ICE2: variants seen among roughly 807,000 people sequenced by gnomAD.
The protein encoded by ICE2 is interactor of little elongation complex ELL subunit 2, also known as little elongation complex subunit 2.
A neutral mutation model predicts 105.4 loss-of-function variants in ICE2; 87 were observed. The ratio of observed to expected loss-of-function variants is 0.83; its 90% CI spans 0.69 to 0.99. The LOEUF is 0.99. Among genes scored for constraint, ICE2 ranks in the 50% least tolerant of loss-of-function variants. The pLI, the probability that ICE2 is intolerant of heterozygous loss-of-function variation, is 0.00. For synonymous variants in ICE2, 399 were observed against 392.0 expected (o/e 1.02, Z -0.21); for missense variants, 1,323 against 1,146.7 (o/e 1.15, Z -2.22).
chr15:60,433,714 C>T (rs1258614563), intron 13 of ICE2, among the ~76,000 whole-genome samples: 1 of 151,888 alleles, frequency 6.6e-6, no homozygotes, highest in Non-Finnish European at 1.5e-5. Context: ...TGGTCTCGAA[C>T]TCCTGACCTC....
At chr15:60,435,995 G>C in intron 13 of ICE2, 148 bp downstream of exon 13, 1 of 425,400 alleles carries the variant, frequency 2.4e-6, no homozygotes, top group Non-Finnish European at 4.3e-6. Context: ...CAAAAAAAAA[G>C]ACAAAACAAA....
At chr15:60,473,375 T>G (rs1349231856) in intron 3 of ICE2, among the ~76,000 whole-genome samples, 1 of 152,084 alleles carries the variant, frequency 6.6e-6, no homozygotes, top group East Asian at 1.9e-4. Flanking sequence ...CACTGCAGCC[T>G]CAACCTCCCT....
At chr15:60,475,819 G>A (rs1025873104) in intron 3 of ICE2, among the ~76,000 whole-genome samples, 1 of 151,792 alleles carries the variant, frequency 6.6e-6, no homozygotes, top group Non-Finnish European at 1.5e-5. Context: ...TACTATATTG[G>A]TACAGTATTA....
chr15:60,474,250 T>C (rs1351835533), intron 3 of ICE2, among the ~76,000 whole-genome samples: 1 of 152,068 alleles, frequency 6.6e-6, no homozygotes, highest in African/African-American at 2.4e-5. Flanking sequence ...AACTTACACA[T>C]TCATTTGATG....
intron 11 of ICE2, among the ~76,000 whole-genome samples, chr15:60,445,281 T>TA (rs1210684651): frequency 6.6e-6 from 1 of 152,184 alleles, no homozygotes; most frequent in Non-Finnish European, 1.5e-5. Flanking sequence ...TAGTACCACT[T>TA]ACAACATTTT....
At chr15:60,457,616 C>A (rs529319781) in intron 5 of ICE2, among the ~76,000 whole-genome samples, 2 of 152,140 alleles carry the variant, frequency 1.3e-5, no homozygotes, top group African/African-American at 4.8e-5. Flanking sequence ...AAATGTGTCA[C>A]GTTACAAATC....
intron 6 of ICE2, 117 bp downstream of exon 6, chr15:60,456,540 C>CAAAAAAAAAAAA (rs1425301397): frequency 3.6e-4 from 13 of 36,030 alleles, no homozygotes; most frequent in Non-Finnish European, 5.9e-4. Flanking sequence ...ACTCTGTCTC[C>CAAAAAAAAAAAA]AAAAAAAAAA....
rs142882793 is a variant in ICE2, at chr15:60,474,941, C to T, written c.146+1122G>A. ...TTCAAGATCAACCGGGGCAACACAGCAAGACCATGTCTCTTCAAAAACAAA... is the reference window on the plus strand; with the variant it reads ...TTCAAGATCAACCGGGGCAACACAGTAAGACCATGTCTCTTCAAAAACAAA... On this transcript the variant is annotated intron_variant, in intron 3 of 15. Coordinates refer to ENST00000261520, the MANE Select transcript of ICE2 (RefSeq NM_024611.6). Among the ~76,000 whole-genome samples the T allele has an allele frequency of 2.0e-3, 298 of 152,132 alleles. 3 individuals are homozygous for T. The highest frequency in any genetic ancestry group is 6.7e-3 in the African/African-American group (277 of 41,482).
intron 11 of ICE2, among the ~76,000 whole-genome samples, chr15:60,444,582 T>C (rs1212772604): frequency 1.3e-5 from 2 of 152,220 alleles, no homozygotes; most frequent in African/African-American, 2.4e-5. Flanking sequence ...CAGACAGTAA[T>C]AGATATTATG....
At chr15:60,445,163 C>G (rs991666495) in intron 11 of ICE2, among the ~76,000 whole-genome samples, 46 of 152,200 alleles carry the variant, frequency 3.0e-4, no homozygotes, top group African/African-American at 1.1e-3. Flanking sequence ...GGTTCTTGGA[C>G]AGCAGAGGTT....
intron 3 of ICE2, among the ~76,000 whole-genome samples, chr15:60,468,992 G>C (rs1013271484): frequency 2.0e-5 from 3 of 152,220 alleles, no homozygotes; most frequent in Middle Eastern, 3.2e-3. Context: ...TACCAGAAGA[G>C]AAAGTAGTGA....
In ICE2 at chr15:60,449,803, A is replaced by C. The variant is rs1566987732; in HGVS notation, c.1164T>G (p.Ser388Arg). ...CEVNECRKIE[S>R]LENLYLDFDD... The stretch of plus-strand genomic sequence containing the variant: ...CAAAATCCAAATACAAGTTTTCAAG[A>C]CTCTCAATTTTTCGGCACTCGTTGA... Residue 388 changes from serine (S) to arginine (R), a missense_variant, in exon 10 of 16, where the codon AGT (serine) becomes AGG (arginine). Ser to Arg is a moderately radical substitution (Grantham distance 110, BLOSUM62 -1). Transcript: ENST00000261520. The C allele has an allele frequency of 1.2e-6, 2 of 1,613,474 alleles. No individual in the cohort carries two copies. The highest frequency in any genetic ancestry group is 1.7e-6 in the Non-Finnish European group (2 of 1,179,812).
At chr15:60,432,526 A>G (rs2063485126) in intron 13 of ICE2, among the ~76,000 whole-genome samples, 1 of 151,918 alleles carries the variant, frequency 6.6e-6, no homozygotes, top group African/African-American at 2.4e-5. Flanking sequence ...TCATTATCAT[A>G]ATGTATTTGG....
intron 14 of ICE2, among the ~76,000 whole-genome samples, chr15:60,429,803 T>C (rs1158908893): frequency 6.6e-6 from 1 of 152,166 alleles, no homozygotes; most frequent in African/African-American, 2.4e-5. Context: ...ATTATTATGA[T>C]AGTAGGAATA....
At chr15:60,475,270 T>G (rs1373473051) in intron 3 of ICE2, among the ~76,000 whole-genome samples, 1 of 152,156 alleles carries the variant, frequency 6.6e-6, no homozygotes, top group Non-Finnish European at 1.5e-5. Flanking sequence ...TACAGGCAAG[T>G]TGGCAGTAAG....
At chr15:60,453,827 T>C in intron 8 of ICE2, 43 bp from the exon 9 acceptor site, 1 of 1,449,936 alleles carries the variant, frequency 6.9e-7, no homozygotes, top group Non-Finnish European at 9.5e-7. Context: ...AGTATCTAAT[T>C]GTGATATATT....
chr15:60,436,003 A>C (rs182869023), intron 13 of ICE2, 140 bp downstream of exon 13: 1 of 436,514 alleles, frequency 2.3e-6, no homozygotes, highest in East Asian at 3.7e-5. Flanking sequence ...AAGACAAAAC[A>C]AAACTGAGTC....
intron 3 of ICE2, among the ~76,000 whole-genome samples, chr15:60,474,471 T>C (rs1000664805): frequency 2.6e-5 from 4 of 152,058 alleles, no homozygotes; most frequent in African/African-American, 4.8e-5. Flanking sequence ...CACCCAACTA[T>C]AGAATACAAT....
intron 9 of ICE2, chr15:60,452,667 T>A (rs1336513140): frequency 6.0e-6 from 1 of 165,404 alleles, no homozygotes; most frequent in Non-Finnish European, 1.2e-5. Context: ...AAAAATATTT[T>A]AAAATACAGA....
Sources: allele counts gnomAD v4.1 joint callset (sites outside exome capture counted in the v4.1 genomes callset), GRCh38; gene constraint gnomAD v4.1.1; transcripts MANE v1.5; gene names NCBI Gene and HGNC (gene_info 2026-07-23, HGNC 2026-07-21).